The following XKR4 variants were observed in gnomAD, a reference collection of about 807,000 sequenced individuals.
XKR4 encodes the protein XK-related protein 4.
A neutral mutation model predicts 53.9 loss-of-function variants in XKR4; 12 were observed. That is an observed-to-expected ratio of 0.22 (90% confidence interval 0.14 to 0.36). The LOEUF (loss-of-function observed/expected upper bound fraction) is 0.36. XKR4 is among the 10% of genes least tolerant of loss of function. The pLI, the probability that XKR4 is intolerant of heterozygous loss-of-function variation, is 1.00. For synonymous variants in XKR4, 354 were observed against 362.4 expected (o/e 0.98, Z 0.26); for missense variants, 799 against 859.5 (o/e 0.93, Z 0.88).
At chr8:55,509,498 A>G (rs971783416) in intron 2 of XKR4, among the ~76,000 whole-genome samples, 1 of 152,236 alleles carries the variant, frequency 6.6e-6, no homozygotes, top group Non-Finnish European at 1.5e-5. Context: ...TATTTAAAAA[A>G]TACAGTAATT....
At chr8:55,391,277 C>T (rs569011032) in intron 2 of XKR4, among the ~76,000 whole-genome samples, 2 of 152,260 alleles carry the variant, frequency 1.3e-5, no homozygotes, top group Admixed American at 6.5e-5. Context: ...CCTAAAGATA[C>T]ACCTCCCACA....
At chr8:55,450,516 C>A in intron 2 of XKR4, 2 of 650,212 alleles carry the variant, frequency 3.1e-6, no homozygotes, top group South Asian at 1.5e-5. Flanking sequence ...TGCTCATAGT[C>A]AGAGTCCAGT....
chr8:55,103,443 T>C, intron 1 of XKR4, 149 bp downstream of exon 1: 2 of 1,402,610 alleles, frequency 1.4e-6, no homozygotes, highest in East Asian at 5.4e-5. Flanking sequence ...AACTGGGGCT[T>C]GCATTTTTAA....
At chr8:55,472,116 G>A (rs181144931) in intron 2 of XKR4, among the ~76,000 whole-genome samples, 27 of 152,194 alleles carry the variant, frequency 1.8e-4, no homozygotes, top group Middle Eastern at 3.4e-3. Context: ...AGGGACATTC[G>A]AGTATCATGA....
intron 2 of XKR4, among the ~76,000 whole-genome samples, chr8:55,456,008 TAGTC>T (rs1459871974): frequency 6.6e-6 from 1 of 152,206 alleles, no homozygotes; most frequent in Non-Finnish European, 1.5e-5. Context: ...TCAGAAAAAT[TAGTC>T]AGAATTCAGA....
intron 1 of XKR4, among the ~76,000 whole-genome samples, chr8:55,136,751 T>C (rs1176002953): frequency 6.6e-6 from 1 of 152,208 alleles, no homozygotes; most frequent in Non-Finnish European, 1.5e-5. Context: ...AAATGGTAGA[T>C]ATAAAAAAAG....
At chr8:55,207,673 GCTC>G (rs1282136422) in intron 1 of XKR4, among the ~76,000 whole-genome samples, 1 of 149,134 alleles carries the variant, frequency 6.7e-6, no homozygotes, top group Non-Finnish European at 1.5e-5. Flanking sequence ...CACGTCTTTT[GCTC>G]CTATTGAATT....
chr8:55,413,711 G>A (rs1406582851), intron 2 of XKR4, among the ~76,000 whole-genome samples: 1 of 152,166 alleles, frequency 6.6e-6, no homozygotes, highest in South Asian at 2.1e-4. Context: ...TAACCAGAGA[G>A]ATGCATTTTG....
intron 1 of XKR4, among the ~76,000 whole-genome samples, chr8:55,346,081 CT>C (rs796574998): frequency 0.076 from 10,518 of 137,496 alleles, 808 homozygotes; most frequent in African/African-American, 0.23. Flanking sequence ...TTTTCTTTTT[CT>C]TTTTTTTTTT....
At chr8:55,217,198 C>T (rs956652927) in intron 1 of XKR4, among the ~76,000 whole-genome samples, 7 of 141,484 alleles carry the variant, frequency 4.9e-5, no homozygotes, top group South Asian at 2.2e-4. Context: ...GCCAAGATCG[C>T]GCCACTGCAC....
chr8:55,524,305 C>A lies in XKR4; in HGVS notation c.*78C>A. 7.2e-7 allele frequency: 1 copy of A among 1,396,176 alleles called. No individual in the cohort carries two copies. Among genetic ancestry groups the A allele is most frequent in the Non-Finnish European group, 9.8e-7 (1 of 1,018,934 alleles). 86.5% of individuals were successfully genotyped at this position (1,396,176 alleles called of 1,614,324 possible). ...GCTGTGGCCATAATGACACTTCATC[C>A]TAGAGCAGGGCAGTGAGCCGTGAAG... On this transcript the variant is annotated 3_prime_UTR_variant, in exon 3 of 3. Coordinates refer to ENST00000327381, the MANE Select transcript of XKR4 (RefSeq NM_052898.2).
At chr8:55,504,530 T>A (rs1444256085) in intron 2 of XKR4, among the ~76,000 whole-genome samples, 2 of 152,104 alleles carry the variant, frequency 1.3e-5, no homozygotes, top group East Asian at 3.8e-4. Context: ...TTTCTTTACT[T>A]GTAGTGTTTC....
chr8:55,447,196 G>A (rs1293169035), intron 2 of XKR4, among the ~76,000 whole-genome samples: 1 of 152,182 alleles, frequency 6.6e-6, no homozygotes, highest in Non-Finnish European at 1.5e-5. Flanking sequence ...GCTAACTGTA[G>A]GAATGTGCTG....
chr8:55,435,343 C>A (rs1805158275), intron 2 of XKR4, among the ~76,000 whole-genome samples: 2 of 151,944 alleles, frequency 1.3e-5, no homozygotes, highest in South Asian at 4.2e-4. Context: ...GGAAAACATC[C>A]ATGAGGGGCA....
At chr8:55,412,810 G>A (rs573615975) in intron 2 of XKR4, among the ~76,000 whole-genome samples, 48 of 152,348 alleles carry the variant, frequency 3.2e-4, no homozygotes, top group African/African-American at 1.1e-3. Context: ...CCTCACTAAA[G>A]TTGGCTACAC....
intron 1 of XKR4, among the ~76,000 whole-genome samples, chr8:55,338,083 T>C (rs374135866): frequency 6.6e-6 from 1 of 152,094 alleles, no homozygotes; most frequent in South Asian, 2.1e-4. Flanking sequence ...AAGAAAAAAA[T>C]GTAAAACTTT....
chr8:55,337,613 A>G (rs1274807525), intron 1 of XKR4, among the ~76,000 whole-genome samples: 3 of 152,216 alleles, frequency 2.0e-5, no homozygotes, highest in Non-Finnish European at 4.4e-5. Flanking sequence ...GTGAAAGAGA[A>G]AGAACGACAA....
intron 2 of XKR4, among the ~76,000 whole-genome samples, chr8:55,459,324 C>T (rs1182922217): frequency 6.6e-6 from 1 of 152,100 alleles, no homozygotes; most frequent in African/African-American, 2.4e-5. Flanking sequence ...AACTATAAAA[C>T]TTTAGAATAA....
intron 2 of XKR4, among the ~76,000 whole-genome samples, chr8:55,378,967 A>G (rs1183275541): frequency 6.6e-6 from 1 of 152,242 alleles, no homozygotes; most frequent in Non-Finnish European, 1.5e-5. Context: ...TGTAAAAACA[A>G]AAACTCCCAC....
Sources: gnomAD v4.1 joint callset for allele counts (sites outside exome capture counted in the v4.1 genomes callset) on GRCh38, gnomAD v4.1.1 for gene constraint, MANE v1.5 for transcripts, NCBI Gene and HGNC (gene_info 2026-07-23, HGNC 2026-07-21) for gene names.